The following APBB2 variants were observed in gnomAD, a reference collection of about 807,000 sequenced individuals.
APBB2 encodes amyloid beta precursor protein binding family B member 2.
APBB2 carries 38 observed loss-of-function variants against 82.5 expected under a neutral mutation model. That is an observed-to-expected ratio of 0.46 (90% CI 0.36 to 0.60). The LOEUF (loss-of-function observed/expected upper bound fraction) is 0.60. APBB2 is among the 20% of genes least tolerant of loss of function. The pLI, the probability that APBB2 is intolerant of heterozygous loss-of-function variation, is 0.00. For missense variants in APBB2, 772 were observed against 972.3 expected (o/e 0.79, Z 2.74); for synonymous variants, 341 against 368.2 (o/e 0.93, Z 0.85).
At chr4:40,890,627 A>G (rs1771726858) in intron 11 of APBB2, 136 bp from the exon 12 acceptor site, 1 of 1,190,502 alleles carries the variant, frequency 8.4e-7, no homozygotes, top group Admixed American at 2.6e-5. Context: ...TGCCTAAGAA[A>G]CTTCCTTTCT....
intron 3 of APBB2, among the ~76,000 whole-genome samples, chr4:41,076,361 G>C (rs1187255437): frequency 1.3e-5 from 2 of 152,180 alleles, no homozygotes; most frequent in African/African-American, 4.8e-5. Flanking sequence ...CATGAAGCTT[G>C]CTATGCCCCT....
chr4:41,067,234 A>T (rs1732212033), intron 3 of APBB2, among the ~76,000 whole-genome samples: 1 of 152,038 alleles, frequency 6.6e-6, no homozygotes, highest in East Asian at 1.9e-4. Flanking sequence ...ACAGGGAGAA[A>T]CCCCATCTCT....
intron 2 of APBB2, among the ~76,000 whole-genome samples, chr4:41,112,986 C>CAA (rs575565463): frequency 7.8e-6 from 1 of 128,108 alleles, no homozygotes; most frequent in African/African-American, 2.8e-5. Flanking sequence ...GACTCTGTCT[C>CAA]AAAAAAAAAA....
At chr4:40,917,992 G>T (rs140568437) in intron 10 of APBB2, among the ~76,000 whole-genome samples, 1 of 152,170 alleles carries the variant, frequency 6.6e-6, no homozygotes, top group African/African-American at 2.4e-5. Flanking sequence ...CATGCAAAAC[G>T]CAATCTCTGT....
At chr4:40,937,349 T>C (rs1207942831) in intron 7 of APBB2, among the ~76,000 whole-genome samples, 1 of 152,232 alleles carries the variant, frequency 6.6e-6, no homozygotes, top group East Asian at 1.9e-4. Context: ...AAGTCTTCAG[T>C]ACCTAATTAA....
At chr4:41,033,410 A>G (rs1468857224) in intron 4 of APBB2, 106 bp from the exon 5 acceptor site, 2 of 695,798 alleles carry the variant, frequency 2.9e-6, no homozygotes, top group East Asian at 6.8e-5. Flanking sequence ...ATATATACCA[A>G]ACAAATTTTG....
At chr4:40,846,141 TCCTGAGAGTGC>T (rs1250438285) in intron 12 of APBB2, among the ~76,000 whole-genome samples, 2 of 151,650 alleles carry the variant, frequency 1.3e-5, no homozygotes, top group Admixed American at 1.3e-4. Flanking sequence ...GGCCTTCAGG[TCCTGAGAGTGC>T]CATAAAATTC....
chr4:40,950,567 G>T (rs1009479587), intron 6 of APBB2, among the ~76,000 whole-genome samples: 3 of 152,092 alleles, frequency 2.0e-5, no homozygotes, highest in Non-Finnish European at 4.4e-5. Flanking sequence ...TTCAAAATTG[G>T]CCGGGTGTGG....
chr4:41,103,506 T>C (rs1025372581), intron 2 of APBB2, among the ~76,000 whole-genome samples: 3 of 152,104 alleles, frequency 2.0e-5, no homozygotes, highest in Non-Finnish European at 2.9e-5. Context: ...TACTCAACAA[T>C]GGATAGTTTT....
In APBB2 at chr4:40,890,378, GC is replaced by G; in HGVS notation, c.1514del (p.Gly505AlafsTer11). The part of the protein sequence containing the change: ...PIVSIRVWGV[G>X]RDNGRDFAYV... ...CAGGGACTCACCGGCCATTGTCGCG[GC>G]CCACGCCCCACACGCGGATGCTGAC... On this transcript the variant is annotated frameshift_variant, in exon 12 of 18. Transcript: ENST00000508593. LOFTEE classifies it high-confidence loss of function. The G allele has an allele frequency of 6.2e-7, 1 of 1,612,800 alleles. No individual in the cohort carries two copies. Among genetic ancestry groups the G allele is most frequent in the Non-Finnish European group, 8.5e-7 (1 of 1,179,838 alleles).
In APBB2 at chr4:41,064,838, G is replaced by C. The variant is rs200763790; in HGVS notation, c.-51+738C>G. Among the ~76,000 whole-genome samples the C allele has an allele frequency of 2.2e-4, 33 of 152,204 alleles. No individual in the cohort carries two copies. In the East Asian group the frequency reaches 3.5e-3, roughly 16 times the overall value. On this transcript the variant is annotated intron_variant, in intron 4 of 17. Transcript: ENST00000508593. ...ACATATTAAACAGAGACATACCCAG[G>C]GGACCTCTCTTCTGGGTCCATGAAT...
At chr4:41,166,585 AAAG>A (rs1210248527) in intron 1 of APBB2, among the ~76,000 whole-genome samples, 3 of 150,866 alleles carry the variant, frequency 2.0e-5, no homozygotes, top group African/African-American at 4.9e-5. Context: ...AAAAAAAAAA[AAAG>A]AAAGAAAAGA....
At chr4:40,822,144 C>G in intron 16 of APBB2, 94 bp from the exon 17 acceptor site, 7 of 1,445,540 alleles carry the variant, frequency 4.8e-6, no homozygotes, top group Non-Finnish European at 6.7e-6. Context: ...AAAGTATAGC[C>G]AGGCCGAATT....
At chr4:41,139,845 T>A (rs1182973606) in intron 2 of APBB2, among the ~76,000 whole-genome samples, 1 of 152,210 alleles carries the variant, frequency 6.6e-6, no homozygotes, top group Non-Finnish European at 1.5e-5. Flanking sequence ...ACAACTTATA[T>A]ATTTATGAAA....
At position 41,091,262 on chromosome 4, in the gene APBB2, T is replaced by G. The variant is rs552356458; in HGVS notation, c.-149+9377A>C. 9.2e-5 allele frequency among the ~76,000 whole-genome samples: 14 copies of G among 152,302 alleles called. No individual in the cohort carries two copies. The South Asian group carries it at 2.7e-3, about 29-fold the overall frequency. On this transcript the variant is annotated intron_variant, in intron 3 of 17. Coordinates refer to ENST00000508593, the MANE Select transcript of APBB2 (RefSeq NM_004307.2). ...GTCCTTGCGAGGTAATTGTCCACAATTTTTGTTTGCAAGACTTTGTTTAAA... is the reference window on the plus strand; with the variant it reads ...GTCCTTGCGAGGTAATTGTCCACAAGTTTTGTTTGCAAGACTTTGTTTAAA...
At chr4:40,949,530 T>C (rs1052637661) in intron 6 of APBB2, among the ~76,000 whole-genome samples, 1 of 152,104 alleles carries the variant, frequency 6.6e-6, no homozygotes, top group Non-Finnish European at 1.5e-5. Flanking sequence ...ATTTTCAGAA[T>C]ACTGCAAAGC....
chr4:40,907,820 G>T (rs1777457325), intron 10 of APBB2, among the ~76,000 whole-genome samples: 1 of 151,066 alleles, frequency 6.6e-6, no homozygotes, highest in Non-Finnish European at 1.5e-5. Context: ...CACCATGCCT[G>T]CTAATTAAAA....
At chr4:41,022,199 G>C (rs932501049) in intron 5 of APBB2, among the ~76,000 whole-genome samples, 7 of 152,116 alleles carry the variant, frequency 4.6e-5, no homozygotes, top group Non-Finnish European at 7.4e-5. Context: ...AAACCACCTG[G>C]GGGGCTTTTA....
intron 10 of APBB2, among the ~76,000 whole-genome samples, chr4:40,912,349 C>T (rs997624622): frequency 2.0e-5 from 3 of 152,180 alleles, no homozygotes; most frequent in Non-Finnish European, 4.4e-5. Context: ...GAGGCCAAGG[C>T]GGGCGGATCA....
Sources: gnomAD v4.1 joint callset for allele counts (sites outside exome capture counted in the v4.1 genomes callset) on GRCh38, gnomAD v4.1.1 for gene constraint, MANE v1.5 for transcripts, NCBI Gene and HGNC (gene_info 2026-07-23, HGNC 2026-07-21) for gene names.